Variants in JAML observed in about 807,000 individuals in gnomAD.
JAML encodes junction adhesion molecule like.
JAML carries 25 observed loss-of-function variants against 39.3 expected under a neutral mutation model. The ratio of observed to expected loss-of-function variants is 0.64; its 90% CI spans 0.46 to 0.89. The LOEUF (loss-of-function observed/expected upper bound fraction) is 0.89. Among genes scored for constraint, JAML ranks in the 40% least tolerant of loss-of-function variants. The pLI, the probability that JAML is intolerant of heterozygous loss-of-function variation, is 0.00. For synonymous variants in JAML, 162 were observed against 179.2 expected, an observed-to-expected ratio of 0.90 and a Z score of 0.77; for missense variants, 440 against 486.9, an observed-to-expected ratio of 0.90 and a Z score of 0.91.
rs750861638 is a variant in JAML at position 118,212,455 on chromosome 11, T to G, written c.150A>C (p.Lys50Asn). Residue 50 changes from lysine (K) to asparagine (N), a missense_variant, in exon 3 of 10, where the codon AAA becomes AAC. Physicochemically the swap from Lys to Asn is moderately conservative, Grantham distance 94. Transcript: ENST00000356289. ...MGCVFQSTED[K>N]CIFKIDWTLS... ...GAGTCCAGTCTATCTTGAATATACA[T>G]TTGTCTTCTGTGCTCTGGAAAACAC... 1 of 1,614,152 alleles carries G rather than the reference T, an allele frequency of 6.2e-7. No homozygotes were observed. Among genetic ancestry groups the G allele is most frequent in the South Asian group, 1.1e-5 (1 of 91,072 alleles).
At chr11:118,198,322 T>C (rs1948703311) in intron 7 of JAML, among the ~76,000 whole-genome samples, 1 of 152,198 alleles carries the variant, frequency 6.6e-6, no homozygotes, top group African/African-American at 2.4e-5. Context: ...AAAAGCAGCT[T>C]CAACTTCTCT....
chr11:118,199,791 G>A (rs945351522), intron 7 of JAML, among the ~76,000 whole-genome samples: 6 of 149,246 alleles, frequency 4.0e-5, no homozygotes, highest in Admixed American at 3.4e-4. Flanking sequence ...CCACCTCCCA[G>A]GTTCACGCCA....
intron 5 of JAML, chr11:118,204,311 T>C (rs1190003674): frequency 6.5e-6 from 1 of 154,580 alleles, no homozygotes; most frequent in African/African-American, 2.4e-5. Flanking sequence ...TTATTCTCTA[T>C]GACAATCTAT....
intron 6 of JAML, chr11:118,200,885 T>C: frequency 6.5e-6 from 2 of 309,846 alleles, no homozygotes; most frequent in Non-Finnish European, 1.2e-5. Context: ...AACAATTCTA[T>C]TCTAAAATTT....
Position 118,214,881 on chromosome 11 carries a change from T to C in JAML, c.-15A>G. 1.9e-6 allele frequency: 3 copies of C among 1,613,788 alleles called. No homozygotes were observed. The highest frequency in any genetic ancestry group is 2.5e-6 in the Non-Finnish European group (3 of 1,179,874). On this transcript the variant is annotated 5_prime_UTR_variant, in exon 2 of 10. Transcript: ENST00000356289. Reference sequence around the variant, plus strand: ...GGGCAAAACATGCTGCTCTCAACTTTCAAATCTTAAGATAAAAGAACAAAA... The same window carrying C: ...GGGCAAAACATGCTGCTCTCAACTTCCAAATCTTAAGATAAAAGAACAAAA...
intron 1 of JAML, among the ~76,000 whole-genome samples, chr11:118,217,079 G>T (rs1591481065): frequency 1.3e-5 from 2 of 152,298 alleles, no homozygotes; most frequent in East Asian, 3.9e-4. Flanking sequence ...CAACCGCATG[G>T]AGGAGTAATG....
intron 3 of JAML, among the ~76,000 whole-genome samples, 189 bp downstream of exon 3, chr11:118,212,218 T>G (rs1949076267): frequency 6.6e-6 from 1 of 152,144 alleles, no homozygotes; most frequent in Admixed American, 6.5e-5. Flanking sequence ...CAAGGTTGAG[T>G]AACTTACTTA....
intron 7 of JAML, among the ~76,000 whole-genome samples, chr11:118,199,682 T>C (rs1189605232): frequency 2.4e-5 from 2 of 82,972 alleles, no homozygotes; most frequent in Non-Finnish European, 5.0e-5. Flanking sequence ...AAGCACATTA[T>C]TATTATTATT....
chr11:118,197,942 T>C, intron 8 of JAML, 56 bp downstream of exon 8: 5 of 1,512,286 alleles, frequency 3.3e-6, no homozygotes, highest in East Asian at 2.3e-5. Flanking sequence ...CCCGGGGGTA[T>C]GAGAACGGCC....
chr11:118,205,630 T>C (rs1462591494), intron 5 of JAML: 16 of 468,258 alleles, frequency 3.4e-5, no homozygotes, highest in Non-Finnish European at 5.5e-5. Flanking sequence ...CCAAGTCTTA[T>C]ACAAAATGCT....
intron 1 of JAML, 32 bp from the exon 2 acceptor site, chr11:118,214,918 A>G: frequency 1.3e-6 from 2 of 1,584,778 alleles, no homozygotes; most frequent in Non-Finnish European, 1.7e-6. Context: ...TCACAAAATC[A>G]TGTCAAGAGA....
intron 1 of JAML, among the ~76,000 whole-genome samples, chr11:118,224,496 T>C (rs1466899103): frequency 6.6e-6 from 1 of 152,216 alleles, no homozygotes; most frequent in Admixed American, 6.5e-5. Flanking sequence ...ACTATCTACA[T>C]GCATCCCACA....
At chr11:118,206,104 C>T (rs1948910639) in intron 4 of JAML, 113 bp from the exon 5 acceptor site, 1 of 812,746 alleles carries the variant, frequency 1.2e-6, no homozygotes. Context: ...AAATCGCTGT[C>T]ACCACCAAAC....
At chr11:118,199,697 T>A (rs397848828) in intron 7 of JAML, among the ~76,000 whole-genome samples, 1,877 of 66,952 alleles carry the variant, frequency 0.028, 9 homozygotes, top group African/African-American at 0.031. Flanking sequence ...ATTATTATTT[T>A]TTTTTTTTTT....
At chr11:118,199,766 G>A (rs1048761536) in intron 7 of JAML, among the ~76,000 whole-genome samples, 5 of 146,554 alleles carry the variant, frequency 3.4e-5, no homozygotes, top group Admixed American at 1.4e-4. Flanking sequence ...GCGTGATCTC[G>A]GCTCACTGCA....
At position 118,193,874 on chromosome 11, in the gene JAML, C is replaced by A. The variant is rs529195689; in HGVS notation, c.*451G>T. The A allele has an allele frequency of 1.6e-5, 3 of 182,914 alleles. No individual in the cohort carries two copies. In the South Asian group the frequency reaches 3.4e-4, roughly 21 times the overall value. The allele number at this position is 182,914 out of a possible 1,614,324, so 11.3% of individuals were successfully genotyped here. A position where few individuals can be genotyped will look rare whatever the true frequency, so the allele number is the denominator to read the frequency against. On this transcript the variant is annotated 3_prime_UTR_variant, in exon 10 of 10. Coordinates refer to ENST00000356289, the MANE Select transcript of JAML (RefSeq NM_001098526.2). Reference sequence around the variant, plus strand: ...CAAAAGTTTCTAACTGTAAATTCCTCACCAGGACTTTACTTGCCCCCTCAA... The same window carrying A: ...CAAAAGTTTCTAACTGTAAATTCCTAACCAGGACTTTACTTGCCCCCTCAA...
intron 1 of JAML, 66 bp from the exon 2 acceptor site, chr11:118,214,952 T>C: frequency 6.9e-7 from 1 of 1,445,316 alleles, no homozygotes; most frequent in South Asian, 1.1e-5. Context: ...AAAAAACCAA[T>C]AGTGAAGGAC....
chr11:118,205,792 G>A lies in JAML; in HGVS notation c.534+90C>T, dbSNP rs1948902964. The A allele has an allele frequency of 2.4e-6, 3 of 1,241,200 alleles. No individual in the cohort carries two copies. In the Admixed American group the frequency reaches 5.2e-5, roughly 21 times the overall value. The allele number at this position is 1,241,200 out of a possible 1,614,324, so 76.9% of individuals were successfully genotyped here. On this transcript the variant is annotated intron_variant, in intron 5 of 9. Transcript: ENST00000356289. ...GATAAGCACCAAAGCCCAGGCTCTT[G>A]CAACACCTCCTCATGTGCCTGATTC...
chr11:118,218,218 T>G (rs569500754), intron 1 of JAML, among the ~76,000 whole-genome samples: 1 of 152,266 alleles, frequency 6.6e-6, no homozygotes, highest in Admixed American at 6.5e-5. Context: ...CTCGGCCTCC[T>G]GAGTAGCTGG....
Sources: gnomAD v4.1 joint callset for allele counts (sites outside exome capture counted in the v4.1 genomes callset) on GRCh38, gnomAD v4.1.1 for gene constraint, MANE v1.5 for transcripts, NCBI Gene and HGNC (gene_info 2026-07-23, HGNC 2026-07-21) for gene names.